IGSF8: variants seen among roughly 807,000 people sequenced by gnomAD.
The protein encoded by IGSF8 is CD81 partner 3.
IGSF8 carries 46 observed loss-of-function variants against 55.5 expected under a neutral mutation model. The observed-to-expected ratio is 0.83, with a 90% CI of 0.65 to 1.06. The LOEUF (loss-of-function observed/expected upper bound fraction) is 1.06. IGSF8 is among the 50% of genes least tolerant of loss of function. The pLI is 0.00. For missense variants in IGSF8, 731 were observed against 832.3 expected, an observed-to-expected ratio of 0.88 and a Z score of 1.50; for synonymous variants, 314 against 356.1, an observed-to-expected ratio of 0.88 and a Z score of 1.33.
At position 160,093,166 on chromosome 1, in the gene IGSF8, C is replaced by T. The variant is rs757971976; in HGVS notation, c.1070G>A (p.Arg357His). 1.9e-5 allele frequency: 30 copies of T among 1,613,366 alleles called. No homozygotes were observed. Among genetic ancestry groups the T allele is most frequent in the Admixed American group, 3.3e-5 (2 of 59,940 alleles). The change falls in exon 4 of 7, where the codon CGC becomes CAC. Residue 357 changes from arginine (R) to histidine (H), a missense_variant. By Grantham distance (29) the Arg-to-His change is conservative. Coordinates refer to ENST00000314485, the MANE Select transcript of IGSF8 (RefSeq NM_052868.6). ...MAPAGAPGPGRLVAQLDTEGV... is the reference protein window; with the variant it reads ...MAPAGAPGPGHLVAQLDTEGV... ...CTCTGTGTCCAGCTGGGCTACCAGGCGGCCGGGCCCAGGTGCCCCCGCAGG... is the reference window on the plus strand; with the variant it reads ...CTCTGTGTCCAGCTGGGCTACCAGGTGGCCGGGCCCAGGTGCCCCCGCAGG...
rs907224215 is a variant in IGSF8 at position 160,094,891 on chromosome 1, G to A, written c.420C>T (p.Tyr140=). The change falls in exon 2 of 7, where the codon TAC becomes TAT. Residue 140 remains tyrosine, a synonymous_variant. Transcript: ENST00000314485. This position sits in a 1 kb window ranked among gnomAD's most constrained non-coding sequence, Gnocchi z 4.0. The stretch of plus-strand genomic sequence containing the variant: ...TACCTCTCAGCTCCACCTTGCCGCT[G>A]TAGCTGCCCAGGTAGCGGGTATCAG... The part of the protein sequence containing the change: ...PSTDTRYLGS[Y]SGKVELRVLP... 3 of 1,613,304 alleles carry A rather than the reference G, an allele frequency of 1.9e-6. No homozygotes were observed. The highest frequency in any genetic ancestry group is 2.5e-6 in the Non-Finnish European group (3 of 1,179,502).
At chr1:160,098,334 C>G in intron 1 of IGSF8, 75 bp downstream of exon 1, 1 of 1,517,840 alleles carries the variant, frequency 6.6e-7, no homozygotes, top group South Asian at 1.2e-5. Context: ...TGAGGAGCCC[C>G]GAAATGCTAG....
intron 1 of IGSF8, chr1:160,095,451 G>A (rs1650368084): frequency 1.6e-6 from 1 of 609,582 alleles, no homozygotes; most frequent in East Asian, 2.8e-5. Flanking sequence ...ATGGGCCCAG[G>A]ATTGCCTTGG....
Position 160,091,860 on chromosome 1 carries a change from A to G in IGSF8, c.1805T>C (p.Ile602Thr), listed in dbSNP as rs1435797413. ...AAGCCTCTTCATGAAGCAGCAAGTG[A>G]TGGTACCAAGGACAGTGGCACCAGT... Reference protein sequence around the residue: ...LVTGATVLGTITCCFMKRLRK... With the variant: ...LVTGATVLGTTTCCFMKRLRK... Residue 602 changes from isoleucine to threonine, a missense_variant, in exon 6 of 7, where the codon ATC (isoleucine) becomes ACC (threonine). Ile to Thr is a moderately conservative substitution (Grantham distance 89, BLOSUM62 -1). Coordinates refer to ENST00000314485, the MANE Select transcript of IGSF8 (RefSeq NM_052868.6). The G allele has an allele frequency of 6.2e-7, 1 of 1,613,926 alleles. No homozygotes were observed. The highest frequency in any genetic ancestry group is 8.5e-7 in the Non-Finnish European group (1 of 1,179,858).
chr1:160,094,941 T>C lies in IGSF8; in HGVS notation c.370A>G (p.Ile124Val). Residue 124 changes from isoleucine to valine, a missense_variant, in exon 2 of 7, where the codon ATT (isoleucine) becomes GTT (valine). Transcript: ENST00000314485. This position sits in a 1 kb window ranked among gnomAD's most constrained non-coding sequence, Gnocchi z 4.0. Reference protein sequence around the residue: ...IARLQAQDAGIYECHTPSTDT... With the variant: ...IARLQAQDAGVYECHTPSTDT... The stretch of plus-strand genomic sequence containing the variant: ...GTGGAGGGGGTGTGGCACTCATAAA[T>C]GCCGGCATCCTGGGCCTGCAGGCGG... 1 of 1,614,070 alleles carries C rather than the reference T, an allele frequency of 6.2e-7. No homozygotes were observed.
chr1:160,098,695 C>T, upstream of IGSF8: 1 of 513,622 alleles, frequency 1.9e-6, no homozygotes, highest in Admixed American at 3.8e-5. Context: ...CCGGCCCGCC[C>T]CGGCACCGCC....
chr1:160,094,835 G>A lies in IGSF8; in HGVS notation c.442+34C>T. 1 of 1,583,906 alleles carries A rather than the reference G, an allele frequency of 6.3e-7. No homozygotes were observed. The highest frequency in any genetic ancestry group is 2.3e-5 in the East Asian group (1 of 44,410). On this transcript the variant is annotated intron_variant, in intron 2 of 6. Coordinates refer to ENST00000314485, the MANE Select transcript of IGSF8 (RefSeq NM_052868.6). This position sits in a 1 kb window ranked among gnomAD's most constrained non-coding sequence, Gnocchi z 4.0. ...GGCCTTGACTTTCTGCCTTGAGAGGGTGTGTGGCTCCACCCCGTCCCAGGG... is the reference window on the plus strand; with the variant it reads ...GGCCTTGACTTTCTGCCTTGAGAGGATGTGTGGCTCCACCCCGTCCCAGGG...
chr1:160,092,855 G>C (rs1650083064), intron 4 of IGSF8, 69 bp downstream of exon 4: 2 of 1,519,174 alleles, frequency 1.3e-6, no homozygotes, highest in Non-Finnish European at 1.8e-6. Flanking sequence ...GAGAGGGAGG[G>C]GTCATGGAAA....
At position 160,092,323 on chromosome 1, in the gene IGSF8, C is replaced by T. The variant is rs1446056805; in HGVS notation, c.1685G>A (p.Ser562Asn). ...HADYSWYQAG[S>N]ARSGPVTVYP... ...GACTGTAACAGGCCCTGAGCGGGCACTGCCCGCCTGGTACCAGCTGTAGTC... is the reference window on the plus strand; with the variant it reads ...GACTGTAACAGGCCCTGAGCGGGCATTGCCCGCCTGGTACCAGCTGTAGTC... Residue 562 changes from serine to asparagine, a missense_variant, in exon 5 of 7, where the codon AGT becomes AAT. By Grantham distance (46) the Ser-to-Asn change is conservative (BLOSUM62 1). Transcript: ENST00000314485. 5 of 1,614,116 alleles carry T rather than the reference C, an allele frequency of 3.1e-6. No homozygotes were observed. The highest frequency in any genetic ancestry group is 4.2e-6 in the Non-Finnish European group (5 of 1,179,956).
rs772865127 is a variant in IGSF8 at position 160,092,335 on chromosome 1, T to G, written c.1673A>C (p.Tyr558Ser). ...AWVQHADYSW[Y>S]QAGSARSGPV... Reference sequence around the variant, plus strand: ...CCCTGAGCGGGCACTGCCCGCCTGGTACCAGCTGTAGTCGGCATGCTGCAC... The same window carrying G: ...CCCTGAGCGGGCACTGCCCGCCTGGGACCAGCTGTAGTCGGCATGCTGCAC... The change falls in exon 5 of 7, where the codon TAC becomes TCC. Residue 558 changes from tyrosine (Y) to serine (S), a missense_variant. Tyr to Ser is a moderately radical substitution (Grantham distance 144). Transcript: ENST00000314485. 6.2e-7 allele frequency: 1 copy of G among 1,614,046 alleles called. No homozygotes were observed. The highest frequency in any genetic ancestry group is 2.2e-5 in the East Asian group (1 of 44,880).
In IGSF8 at chr1:160,098,586, G is replaced by A. The variant is rs1224251298; in HGVS notation, c.-114C>T. On this transcript the variant is annotated 5_prime_UTR_variant, in exon 1 of 7. Transcript: ENST00000314485. Reference sequence around the variant, plus strand: ...CAGGAAGCGGGGCAGCGAGGCGTGGGTGCGCCGAGCGAGCTGAACTGGAGC... The same window carrying A: ...CAGGAAGCGGGGCAGCGAGGCGTGGATGCGCCGAGCGAGCTGAACTGGAGC... 4.4e-6 allele frequency: 3 copies of A among 687,716 alleles called. No homozygotes were observed. Among genetic ancestry groups the A allele is most frequent in the Non-Finnish European group, 7.1e-6 (3 of 422,890 alleles). 42.6% of individuals were successfully genotyped at this position (687,716 alleles called of 1,614,324 possible). A position where few individuals can be genotyped will look rare whatever the true frequency, so the allele number is the denominator to read the frequency against.
intron 1 of IGSF8, chr1:160,097,602 G>T: frequency 1.3e-6 from 1 of 794,408 alleles, no homozygotes; most frequent in Non-Finnish European, 1.5e-6. Context: ...CTCTTCCCCA[G>T]ACCACCTCCT....
chr1:160,094,771 G>T lies in IGSF8; in HGVS notation c.442+98C>A. 1.5e-6 allele frequency: 2 copies of T among 1,337,432 alleles called. No homozygotes were observed. Among genetic ancestry groups the T allele is most frequent in the Non-Finnish European group, 2.0e-6 (2 of 981,926 alleles). The allele number at this position is 1,337,432 out of a possible 1,614,324, so 82.8% of individuals were successfully genotyped here. On this transcript the variant is annotated intron_variant, in intron 2 of 6. Transcript: ENST00000314485. This position sits in a 1 kb window ranked among gnomAD's most constrained non-coding sequence, Gnocchi z 4.0. ...AACCTCTTTGGGCCTCAAGTTCCTT[G>T]GCTACAAAACCTAAGGGGCAACTAG... is the stretch of plus-strand genomic sequence containing the variant.
Position 160,094,324 on chromosome 1 carries a change from G to A in IGSF8, c.443-153C>T, listed in dbSNP as rs371213936. On this transcript the variant is annotated intron_variant, in intron 2 of 6. Coordinates refer to ENST00000314485, the MANE Select transcript of IGSF8 (RefSeq NM_052868.6). The surrounding 1 kb of genome is among the most constrained non-coding windows in gnomAD (Gnocchi z 4.0). ...TTCTTCTGTAACTCAGTGGTGCCAAGGGCAGTACTGGGCACAGCACAGGCG... is the reference window on the plus strand; with the variant it reads ...TTCTTCTGTAACTCAGTGGTGCCAAAGGCAGTACTGGGCACAGCACAGGCG... Among the ~76,000 whole-genome samples the A allele has an allele frequency of 3.1e-4, 47 of 152,350 alleles. 2 individuals are homozygous for A. The South Asian group carries it at 8.3e-3, about 27-fold the overall frequency.
At chr1:160,098,674 C>T, upstream of IGSF8, 1 of 526,066 alleles carries the variant, frequency 1.9e-6, no homozygotes, top group Non-Finnish European at 3.3e-6. Flanking sequence ...AGTTCTGAAA[C>T]CATTCTCGCC....
At chr1:160,093,615 C>A (rs1650177430) in intron 3 of IGSF8, 95 bp downstream of exon 3, 1 of 1,018,910 alleles carries the variant, frequency 9.8e-7, no homozygotes, top group Non-Finnish European at 1.4e-6. Flanking sequence ...TCCTTGGAGT[C>A]AGATGATGGC....
Position 160,091,822 on chromosome 1 carries a change from A to T in IGSF8, c.*1T>A, listed in dbSNP as rs1649974661. 6.2e-7 allele frequency: 1 copy of T among 1,608,876 alleles called. No homozygotes were observed. The highest frequency in any genetic ancestry group is 8.5e-7 in the Non-Finnish European group (1 of 1,175,420). Reference sequence around the variant, plus strand: ...TTTTCCCTCACCTGGGGAGTAAGGGATCACCGTTTTCGAAGCCTCTTCATG... The same window carrying T: ...TTTTCCCTCACCTGGGGAGTAAGGGTTCACCGTTTTCGAAGCCTCTTCATG... On this transcript the variant is annotated 3_prime_UTR_variant, in exon 6 of 7. Transcript: ENST00000314485.
In IGSF8 at chr1:160,098,509, G is replaced by T; in HGVS notation, c.-37C>A. ...AGCTCTGGGGAGGCTCCGGGGGATGGCGCGGGTTCTGGGGGGCCGGAAGGG... is the reference window on the plus strand; with the variant it reads ...AGCTCTGGGGAGGCTCCGGGGGATGTCGCGGGTTCTGGGGGGCCGGAAGGG... On this transcript the variant is annotated 5_prime_UTR_variant, in exon 1 of 7. Transcript: ENST00000314485. 6.7e-7 allele frequency: 1 copy of T among 1,497,022 alleles called. No homozygotes were observed. The allele number at this position is 1,497,022 out of a possible 1,614,324, so 92.7% of individuals were successfully genotyped here.
chr1:160,098,021 G>A, intron 1 of IGSF8: 2 of 979,854 alleles, frequency 2.0e-6, no homozygotes, highest in Non-Finnish European at 2.4e-6. Context: ...AAGCTGGGCA[G>A]GCACTGCCCT....
Sources: gnomAD v4.1 joint callset for allele counts (sites outside exome capture counted in the v4.1 genomes callset) on GRCh38, gnomAD v4.1.1 for gene constraint, Gnocchi (gnomAD v3.1) non-coding constraint, MANE v1.5 for transcripts, NCBI Gene and HGNC (gene_info 2026-07-23, HGNC 2026-07-21) for gene names.